DLGAP1: variants seen among roughly 807,000 people sequenced by gnomAD.
DLGAP1 encodes DLG associated protein 1.
Under a neutral mutation model 90.8 loss-of-function variants are expected in DLGAP1, and 11 were observed. The observed-to-expected ratio is 0.12, with a 90% CI of 0.08 to 0.20. The LOEUF is 0.20. Ranked by LOEUF, DLGAP1 falls within the 10% of genes least tolerant of loss-of-function variation. The pLI is 1.00. For synonymous variants in DLGAP1, 558 were observed against 540.7 expected (o/e 1.03, Z -0.44); for missense variants, 1,050 against 1,333.8 (o/e 0.79, Z 3.31).
chr18:4,087,096 T>TATACAC (rs2075697223), intron 2 of DLGAP1, among the ~76,000 whole-genome samples: 1 of 95,016 alleles, frequency 1.1e-5, no homozygotes, highest in Non-Finnish European at 2.4e-5. Context: ...TATATATGTA[T>TATACAC]ATATGTGCTA....
chr18:4,359,456 A>G (rs1410941524), intron 1 of DLGAP1, among the ~76,000 whole-genome samples: 1 of 152,168 alleles, frequency 6.6e-6, no homozygotes, highest in African/African-American at 2.4e-5. Context: ...CCCTTTTTCC[A>G]GTCATACTTC....
At chr18:4,368,804 A>C (rs932839774) in intron 1 of DLGAP1, among the ~76,000 whole-genome samples, 2 of 152,192 alleles carry the variant, frequency 1.3e-5, no homozygotes, top group Admixed American at 6.5e-5. Context: ...TGCCCAATAT[A>C]ATATTGAAAT....
chr18:3,956,903 C>T (rs1252282421), intron 3 of DLGAP1, among the ~76,000 whole-genome samples: 1 of 152,056 alleles, frequency 6.6e-6, no homozygotes. Flanking sequence ...CCACTTGCCT[C>T]AGCCTCCCAA....
intron 1 of DLGAP1, among the ~76,000 whole-genome samples, chr18:4,313,927 A>G (rs897608164): frequency 1.3e-5 from 2 of 152,198 alleles, no homozygotes; most frequent in East Asian, 3.9e-4. Flanking sequence ...CCCAGGGGAA[A>G]TGTCTGCAGG....
intron 2 of DLGAP1, among the ~76,000 whole-genome samples, chr18:4,010,031 T>C (rs1158188894): frequency 6.6e-6 from 1 of 152,264 alleles, no homozygotes; most frequent in Admixed American, 6.5e-5. Flanking sequence ...AACTTGAGCA[T>C]ATCTGTGATC....
chr18:3,682,626 G>A (rs1031847306), intron 7 of DLGAP1, among the ~76,000 whole-genome samples: 4 of 152,166 alleles, frequency 2.6e-5, no homozygotes, highest in Admixed American at 2.6e-4. Context: ...TTTGGCTATG[G>A]TTAAGTTATT....
chr18:3,782,016 C>CTATTCCAAGCTTGGAACAG (rs36208018), intron 5 of DLGAP1, among the ~76,000 whole-genome samples: 97 of 151,182 alleles, frequency 6.4e-4, no homozygotes, highest in African/African-American at 1.6e-3. Flanking sequence ...ACGGGAGATT[C>CTATTCCAAGCTTGGAACAG]TATTCCAAGC....
intron 7 of DLGAP1, chr18:3,708,614 G>A (rs1303867682): frequency 2.3e-6 from 1 of 435,942 alleles, no homozygotes. Flanking sequence ...ATGGGCATCT[G>A]GACTTAAGTG....
chr18:3,683,296 G>A (rs1209548917), intron 7 of DLGAP1, among the ~76,000 whole-genome samples: 1 of 152,150 alleles, frequency 6.6e-6, no homozygotes, highest in Non-Finnish European at 1.5e-5. Flanking sequence ...CACATCAAGA[G>A]ATGTAGAACA....
chr18:4,196,323 T>A (rs1286955499), intron 1 of DLGAP1, among the ~76,000 whole-genome samples: 1 of 152,252 alleles, frequency 6.6e-6, no homozygotes, highest in Non-Finnish European at 1.5e-5. Flanking sequence ...AGGCAATGCT[T>A]CCATGAACAC....
chr18:3,968,794 T>C (rs1322892563), intron 3 of DLGAP1, among the ~76,000 whole-genome samples: 5 of 152,192 alleles, frequency 3.3e-5, no homozygotes, highest in Admixed American at 2.0e-4. Context: ...TAATAAGTAA[T>C]ACCATGCAAG....
chr18:4,448,628 T>C (rs190494929), intron 1 of DLGAP1, among the ~76,000 whole-genome samples: 20 of 152,274 alleles, frequency 1.3e-4, no homozygotes, highest in Non-Finnish European at 2.4e-4. Context: ...ATGTGGTATC[T>C]ACAGCAGGGT....
intron 5 of DLGAP1, among the ~76,000 whole-genome samples, chr18:3,812,921 T>C (rs2066914234): frequency 6.6e-6 from 1 of 152,214 alleles, no homozygotes; most frequent in South Asian, 2.1e-4. Context: ...GTTCATTTCA[T>C]CAAAATATGG....
chr18:3,764,304 G>A (rs1316753033), intron 5 of DLGAP1, among the ~76,000 whole-genome samples: 1 of 152,184 alleles, frequency 6.6e-6, no homozygotes, highest in Non-Finnish European at 1.5e-5. Context: ...TCAAACGCTA[G>A]CAAATTATTC....
In DLGAP1 at chr18:3,619,783, G is replaced by T. The variant is rs1323337296; in HGVS notation, c.1592-37535C>A. Among the ~76,000 whole-genome samples, 7 of 139,848 alleles carry T rather than the reference G, an allele frequency of 5.0e-5. No individual in the cohort carries two copies. The Admixed American group carries it at 5.3e-4, about 11-fold the overall frequency. 91.7% of individuals were successfully genotyped at this position (139,848 alleles called of 152,430 possible). A position where few individuals can be genotyped will look rare whatever the true frequency, so the allele number is the denominator to read the frequency against. ...TTTGGTGGGAGATATGGGATGGAAG[G>T]ATATTTGCCGGAGTTGGTTTTTTTT... On this transcript the variant is annotated intron_variant, in intron 7 of 12. Coordinates refer to ENST00000315677, the MANE Select transcript of DLGAP1 (RefSeq NM_004746.4).
At chr18:3,903,104 C>A (rs565485683) in intron 3 of DLGAP1, among the ~76,000 whole-genome samples, 3 of 152,278 alleles carry the variant, frequency 2.0e-5, no homozygotes, top group Non-Finnish European at 4.4e-5. Context: ...TCTTGGAAGG[C>A]AAGAACCAGT....
intron 4 of DLGAP1, among the ~76,000 whole-genome samples, chr18:3,829,229 A>G (rs2067898208): frequency 6.6e-6 from 1 of 152,248 alleles, no homozygotes; most frequent in Non-Finnish European, 1.5e-5. Flanking sequence ...AGCAATACCT[A>G]CTTCAGAGAC....
chr18:3,573,301 A>G (rs1156939739), intron 8 of DLGAP1, among the ~76,000 whole-genome samples: 2 of 152,156 alleles, frequency 1.3e-5, no homozygotes, highest in Non-Finnish European at 2.9e-5. Context: ...CAGGAGTTTG[A>G]GACCAGCCTG....
At chr18:4,129,748 C>A (rs1190625934) in intron 2 of DLGAP1, among the ~76,000 whole-genome samples, 1 of 152,126 alleles carries the variant, frequency 6.6e-6, no homozygotes, top group East Asian at 1.9e-4. Context: ...GGGATTCTGT[C>A]TACAGCTGTG....
Sources: gnomAD v4.1 joint callset for allele counts (sites outside exome capture counted in the v4.1 genomes callset) on GRCh38, gnomAD v4.1.1 for gene constraint, MANE v1.5 for transcripts, NCBI Gene and HGNC (gene_info 2026-07-23, HGNC 2026-07-21) for gene names.